The following ASTN2 variants were observed in gnomAD, a reference collection of about 807,000 sequenced individuals.
ASTN2 encodes the protein astrotactin 2.
In ASTN2, 54 loss-of-function variants were observed where a neutral mutation model predicts 139.8. The ratio of observed to expected loss-of-function variants is 0.39; its 90% CI spans 0.31 to 0.48. The LOEUF is 0.48. Among genes scored for constraint, ASTN2 ranks in the 20% least tolerant of loss-of-function variants. The probability of loss-of-function intolerance (pLI) is 0.95; values close to 1 mark genes in which losing one functional copy is unlikely to be tolerated. For missense variants in ASTN2, 1,565 were observed against 1,725.1 expected (o/e 0.91, Z 1.64); for synonymous variants, 756 against 719.5 (o/e 1.05, Z -0.81).
intron 2 of ASTN2, among the ~76,000 whole-genome samples, chr9:117,223,492 G>A (rs868282029): frequency 1.4e-4 from 22 of 152,158 alleles, no homozygotes; most frequent in African/African-American, 5.3e-4. Context: ...AGGATAGGAA[G>A]ACTTGTGTCT....
chr9:116,999,981 C>A (rs1273763122), intron 7 of ASTN2, among the ~76,000 whole-genome samples: 1 of 152,138 alleles, frequency 6.6e-6, no homozygotes, highest in Non-Finnish European at 1.5e-5. Context: ...AGCTGGTTAG[C>A]AGAGATGATA....
chr9:116,982,300 A>G (rs547921191), intron 7 of ASTN2, among the ~76,000 whole-genome samples: 94 of 152,310 alleles, frequency 6.2e-4, no homozygotes, highest in African/African-American at 2.0e-3. Flanking sequence ...AGCTGACACC[A>G]TATGCCTGTG....
intron 6 of ASTN2, among the ~76,000 whole-genome samples, chr9:117,013,486 ATT>A (rs58077485): frequency 0.41 from 47,869 of 115,364 alleles, 8,865 homozygotes; most frequent in Non-Finnish European, 0.54. Context: ...ATATATATAT[ATT>A]TTTTTTTTTC....
intron 11 of ASTN2, among the ~76,000 whole-genome samples, chr9:116,859,915 T>C (rs1832833339): frequency 6.6e-6 from 1 of 152,222 alleles, no homozygotes; most frequent in Admixed American, 6.5e-5. Flanking sequence ...GGTGGAACTG[T>C]TGGACATTTC....
chr9:116,553,160 T>C (rs1243732332), intron 19 of ASTN2, among the ~76,000 whole-genome samples: 1 of 152,124 alleles, frequency 6.6e-6, no homozygotes, highest in Admixed American at 6.6e-5. Flanking sequence ...AATGGTTTGC[T>C]GGTTTGAGGA....
intron 4 of ASTN2, among the ~76,000 whole-genome samples, chr9:117,106,131 C>T (rs888736245): frequency 6.6e-6 from 1 of 152,192 alleles, no homozygotes; most frequent in African/African-American, 2.4e-5. Context: ...ATGGTAGAGT[C>T]AGACTGTTAG....
chr9:116,789,372 T>G (rs1830470347), intron 13 of ASTN2, among the ~76,000 whole-genome samples: 1 of 152,218 alleles, frequency 6.6e-6, no homozygotes. Flanking sequence ...TCCTGGCTTG[T>G]GCCTGCTAAT....
chr9:116,600,519 G>T (rs534031213), intron 19 of ASTN2, among the ~76,000 whole-genome samples: 1 of 152,176 alleles, frequency 6.6e-6, no homozygotes, highest in African/African-American at 2.4e-5. Context: ...CTTATAAGAA[G>T]TTTGACCTTC....
chr9:116,479,279 T>G (rs546855319), intron 20 of ASTN2, among the ~76,000 whole-genome samples: 1 of 152,184 alleles, frequency 6.6e-6, no homozygotes, highest in South Asian at 2.1e-4. Flanking sequence ...ATTTTTGGCA[T>G]GAAGAAAGGA....
At chr9:117,141,649 C>A (rs1232838672) in intron 3 of ASTN2, among the ~76,000 whole-genome samples, 171 bp from the exon 4 acceptor site, 1 of 152,138 alleles carries the variant, frequency 6.6e-6, no homozygotes, top group Non-Finnish European at 1.5e-5. Context: ...AGAATCAAAA[C>A]CTTGCAGTCT....
chr9:117,052,855 T>A (rs933838054), intron 5 of ASTN2, among the ~76,000 whole-genome samples: 1 of 152,218 alleles, frequency 6.6e-6, no homozygotes, highest in African/African-American at 2.4e-5. Flanking sequence ...GTCATGCGAT[T>A]CAAAACTGTG....
chr9:116,842,915 T>A, intron 11 of ASTN2, among the ~76,000 whole-genome samples: 1 of 152,012 alleles, frequency 6.6e-6, no homozygotes, highest in East Asian at 1.9e-4. Flanking sequence ...ACGCCCCTGC[T>A]TCACCTCTGC....
intron 1 of ASTN2, among the ~76,000 whole-genome samples, chr9:117,294,087 T>C (rs1395250971): frequency 6.6e-6 from 1 of 152,246 alleles, no homozygotes; most frequent in East Asian, 1.9e-4. Flanking sequence ...GGCTTCCCCT[T>C]TCCATGTTCA....
intron 13 of ASTN2, among the ~76,000 whole-genome samples, chr9:116,800,259 T>C (rs1012841615): frequency 5.9e-5 from 9 of 152,242 alleles, no homozygotes; most frequent in Admixed American, 3.9e-4. Flanking sequence ...TTGCTTGCTG[T>C]TCCCTCCTGC....
intron 14 of ASTN2, among the ~76,000 whole-genome samples, chr9:116,732,448 CCT>C (rs1828810587): frequency 6.6e-6 from 1 of 152,162 alleles, no homozygotes; most frequent in Non-Finnish European, 1.5e-5. Flanking sequence ...GAGATTTCAA[CCT>C]AGGTCTGTGA....
At chr9:116,429,657 A>G (rs1390830775) in intron 22 of ASTN2, among the ~76,000 whole-genome samples, 1 of 152,184 alleles carries the variant, frequency 6.6e-6, no homozygotes, top group Non-Finnish European at 1.5e-5. Flanking sequence ...TCATTATTAC[A>G]TCATTAGGTG....
chr9:116,567,843 C>A (rs1853312843), intron 19 of ASTN2, among the ~76,000 whole-genome samples: 1 of 152,020 alleles, frequency 6.6e-6, no homozygotes, highest in Admixed American at 6.6e-5. Flanking sequence ...CATTTTACAC[C>A]CCTCTCCCAA....
chr9:117,323,772 C>A (rs1256007547), intron 1 of ASTN2, among the ~76,000 whole-genome samples: 7 of 152,210 alleles, frequency 4.6e-5, no homozygotes, highest in South Asian at 2.1e-4. Context: ...TCTTTTCTTT[C>A]TTTATATATA....
intron 12 of ASTN2, among the ~76,000 whole-genome samples, chr9:116,812,653 G>T (rs1418556743): frequency 6.6e-6 from 1 of 152,190 alleles, no homozygotes; most frequent in East Asian, 1.9e-4. Context: ...CACTCACAGG[G>T]AGGTATTGTC....
Sources: allele counts gnomAD v4.1 joint callset (sites outside exome capture counted in the v4.1 genomes callset), GRCh38; gene constraint gnomAD v4.1.1; transcripts MANE v1.5; gene names NCBI Gene and HGNC (gene_info 2026-07-23, HGNC 2026-07-21).